The following KCNQ5 variants were observed in gnomAD, a reference collection of about 807,000 sequenced individuals.
KCNQ5 encodes the protein potassium voltage-gated channel subfamily Q member 5.
Under a neutral mutation model 98.2 loss-of-function variants are expected in KCNQ5, and 30 were observed. The ratio of observed to expected loss-of-function variants is 0.31; its 90% CI spans 0.23 to 0.41. KCNQ5 has a LOEUF of 0.41. Among genes scored for constraint, KCNQ5 ranks in the 10% least tolerant of loss-of-function variants. The pLI, the probability that KCNQ5 is intolerant of heterozygous loss-of-function variation, is 1.00. For synonymous variants in KCNQ5, 458 were observed against 449.4 expected, an observed-to-expected ratio of 1.02 and a Z score of -0.24; for missense variants, 835 against 1,182.5, an observed-to-expected ratio of 0.71 and a Z score of 4.31.
At chr6:72,861,057 G>A (rs1031943574) in intron 1 of KCNQ5, among the ~76,000 whole-genome samples, 1 of 151,926 alleles carries the variant, frequency 6.6e-6, no homozygotes, top group African/African-American at 2.4e-5. Flanking sequence ...TTTTAAGATA[G>A]CAATGTAAGT....
At chr6:72,986,944 A>G in intron 1 of KCNQ5, 1 of 845,086 alleles carries the variant, frequency 1.2e-6, no homozygotes, top group Admixed American at 2.1e-5. Flanking sequence ...TGGGGCAGAT[A>G]ACGGAAGCAG....
intron 1 of KCNQ5, among the ~76,000 whole-genome samples, chr6:72,906,465 T>C (rs1013622424): frequency 1.3e-5 from 2 of 152,228 alleles, no homozygotes; most frequent in African/African-American, 4.8e-5. Flanking sequence ...GAGATTTCCT[T>C]TTCCCTGTGG....
chr6:73,148,655 A>G (rs1260623166), intron 10 of KCNQ5, among the ~76,000 whole-genome samples: 1 of 152,224 alleles, frequency 6.6e-6, no homozygotes, highest in Non-Finnish European at 1.5e-5. Context: ...AAAGTTTGTA[A>G]TGACTGTTGA....
chr6:72,893,452 T>C (rs1189572308), intron 1 of KCNQ5, among the ~76,000 whole-genome samples: 1 of 152,182 alleles, frequency 6.6e-6, no homozygotes, highest in Admixed American at 6.5e-5. Flanking sequence ...ATGGAAGAGA[T>C]GCTTTTGCAG....
chr6:72,822,344 A>G (rs1277888404), intron 1 of KCNQ5, among the ~76,000 whole-genome samples: 1 of 152,246 alleles, frequency 6.6e-6, no homozygotes, highest in African/African-American at 2.4e-5. Context: ...TAGACATAAG[A>G]GATGTTTAAA....
chr6:73,167,352 T>C (rs766878650), intron 10 of KCNQ5, among the ~76,000 whole-genome samples: 10 of 152,346 alleles, frequency 6.6e-5, no homozygotes, highest in Middle Eastern at 3.4e-3. Flanking sequence ...TCCTGACATA[T>C]TGTAGTCACA....
Position 73,105,387 on chromosome 6 carries a change from T to C in KCNQ5, c.1029+20T>C, listed in dbSNP as rs1263396236. 4.0e-6 allele frequency: 6 copies of C among 1,486,660 alleles called. No individual in the cohort carries two copies. The highest frequency in any genetic ancestry group is 5.6e-6 in the Non-Finnish European group (6 of 1,073,812). 92.1% of individuals were successfully genotyped at this position (1,486,660 alleles called of 1,614,324 possible). A position where few individuals can be genotyped will look rare whatever the true frequency, so the allele number is the denominator to read the frequency against. ...CCTGCCGTGAGTATCTTTGCACCAA[T>C]AAAGCAGTTTAAATTAGATCTTAGA... On this transcript the variant is annotated intron_variant, in intron 6 of 13. Transcript: ENST00000370398.
At chr6:72,638,910 G>T (rs1397885872) in intron 1 of KCNQ5, among the ~76,000 whole-genome samples, 1 of 152,134 alleles carries the variant, frequency 6.6e-6, no homozygotes, top group Non-Finnish European at 1.5e-5. Flanking sequence ...TTCAAAGGGA[G>T]GACTGGAGTT....
rs1396328511 is a variant in KCNQ5, at chr6:73,107,527, G to A, written c.1029+2160G>A. 2.6e-5 allele frequency among the ~76,000 whole-genome samples: 4 copies of A among 152,092 alleles called. No individual in the cohort carries two copies. In the East Asian group the frequency reaches 7.7e-4, roughly 29 times the overall value. On this transcript the variant is annotated intron_variant, in intron 6 of 13. Transcript: ENST00000370398. ...CAGTAAAAATAAAATTAAATTAAAA[G>A]GGAAAACAAAATGTATGAAGATCTA...
chr6:72,696,331 A>G (rs1449467442), intron 1 of KCNQ5, among the ~76,000 whole-genome samples: 1 of 152,218 alleles, frequency 6.6e-6, no homozygotes, highest in Non-Finnish European at 1.5e-5. Flanking sequence ...TTAACCACAT[A>G]TAAATCTACA....
Position 72,703,752 on chromosome 6 carries a change from T to C in KCNQ5, c.398+81165T>C, listed in dbSNP as rs568054584. On this transcript the variant is annotated intron_variant, in intron 1 of 13. Coordinates refer to ENST00000370398, the MANE Select transcript of KCNQ5 (RefSeq NM_019842.4). ...CATTTATCGAATTCTATTTGTGATA[T>C]GTGCTTCAATTTTGAGCTAGATTGC... 2.6e-5 allele frequency among the ~76,000 whole-genome samples: 4 copies of C among 152,338 alleles called. No homozygotes were observed. The East Asian group carries it at 5.8e-4, about 22-fold the overall frequency.
Position 72,622,074 on chromosome 6 carries a change from G to A in KCNQ5, c.-116G>A. 1.1e-6 allele frequency: 1 copy of A among 904,274 alleles called. No homozygotes were observed. Among genetic ancestry groups the A allele is most frequent in the Non-Finnish European group, 1.4e-6 (1 of 696,902 alleles). 56.0% of individuals were successfully genotyped at this position (904,274 alleles called of 1,614,324 possible). A position where few individuals can be genotyped will look rare whatever the true frequency, so the allele number is the denominator to read the frequency against. ...CCCCGCCCCCGGCTCAGAGGTCTCT[G>A]GCTGGCGGGCGCCCCGTCGGCCGCC... On this transcript the variant is annotated 5_prime_UTR_variant, in exon 1 of 14. Coordinates refer to ENST00000370398, the MANE Select transcript of KCNQ5 (RefSeq NM_019842.4). The surrounding 1 kb of genome is among the most constrained non-coding windows in gnomAD (Gnocchi z 6.0).
chr6:72,999,952 A>G (rs1769480341), intron 1 of KCNQ5, among the ~76,000 whole-genome samples: 1 of 152,202 alleles, frequency 6.6e-6, no homozygotes, highest in South Asian at 2.1e-4. Flanking sequence ...TGGTTAGCGA[A>G]AGATAAACAC....
At chr6:72,898,154 AT>A (rs543728084) in intron 1 of KCNQ5, among the ~76,000 whole-genome samples, 16 of 150,810 alleles carry the variant, frequency 1.1e-4, no homozygotes, top group East Asian at 9.7e-4. Flanking sequence ...GTGTAATGAG[AT>A]TTTTTTTTTA....
intron 1 of KCNQ5, among the ~76,000 whole-genome samples, chr6:72,931,593 G>T (rs958482678): frequency 2.0e-5 from 3 of 152,186 alleles, no homozygotes; most frequent in Admixed American, 2.0e-4. Flanking sequence ...TAAATCCTAA[G>T]TCAGCAGGTG....
chr6:73,094,281 G>T (rs554449547), intron 5 of KCNQ5, among the ~76,000 whole-genome samples: 7 of 152,160 alleles, frequency 4.6e-5, no homozygotes, highest in African/African-American at 1.7e-4. Flanking sequence ...CCTTAAGTTT[G>T]TGAGACTCCT....
intron 1 of KCNQ5, among the ~76,000 whole-genome samples, chr6:72,878,199 G>C (rs1481608330): frequency 6.6e-6 from 1 of 152,222 alleles, no homozygotes; most frequent in Admixed American, 6.5e-5. Context: ...GAACCTGGGA[G>C]GCAGAGGTTG....
intron 1 of KCNQ5, among the ~76,000 whole-genome samples, chr6:72,892,050 G>A (rs1288477823): frequency 6.6e-6 from 1 of 152,104 alleles, no homozygotes; most frequent in African/African-American, 2.4e-5. Context: ...TAATCCCCAT[G>A]TAAGAGGCTA....
chr6:72,995,368 CAAAA>C (rs376273426), intron 1 of KCNQ5, among the ~76,000 whole-genome samples: 5 of 70,176 alleles, frequency 7.1e-5, no homozygotes, highest in African/African-American at 9.0e-5. Context: ...AACTCTGTCT[CAAAA>C]AAAAAAAAAA....
Sources: gnomAD v4.1 joint callset for allele counts (sites outside exome capture counted in the v4.1 genomes callset) on GRCh38, gnomAD v4.1.1 for gene constraint, Gnocchi (gnomAD v3.1) non-coding constraint, MANE v1.5 for transcripts, NCBI Gene and HGNC (gene_info 2026-07-23, HGNC 2026-07-21) for gene names.